Variants in DPP6 observed in about 807,000 individuals in gnomAD.
DPP6 encodes the protein dipeptidyl peptidase like 6.
DPP6 carries 69 observed loss-of-function variants against 122.6 expected under a neutral mutation model. The observed-to-expected ratio is 0.56, with a 90% CI of 0.46 to 0.69. The LOEUF (loss-of-function observed/expected upper bound fraction) is 0.69, where lower values mean the gene tolerates loss of function less well. Ranked by LOEUF, DPP6 falls within the 30% of genes least tolerant of loss-of-function variation. The pLI, the probability that DPP6 is intolerant of heterozygous loss-of-function variation, is 0.00. For missense variants in DPP6, 928 were observed against 1,116.9 expected, an observed-to-expected ratio of 0.83 and a Z score of 2.41; for synonymous variants, 418 against 433.1, an observed-to-expected ratio of 0.97 and a Z score of 0.43.
intron 1 of DPP6, among the ~76,000 whole-genome samples, chr7:154,349,396 G>A (rs1810665519): frequency 3.3e-5 from 5 of 152,220 alleles, no homozygotes; most frequent in East Asian, 1.9e-4. Flanking sequence ...GGCTTGTCTC[G>A]AACTCCTGAC....
At chr7:154,151,974 G>A (rs920541501) in intron 1 of DPP6, among the ~76,000 whole-genome samples, 1 of 150,844 alleles carries the variant, frequency 6.6e-6, no homozygotes, top group African/African-American at 2.4e-5. Context: ...CACATTGCAC[G>A]GCCTGGCACG....
chr7:154,822,769 C>T (rs4246092), intron 16 of DPP6, among the ~76,000 whole-genome samples: 111,366 of 151,622 alleles, frequency 0.73, 42,046 homozygotes, highest in Non-Finnish European at 0.83. Flanking sequence ...CATCCTGCTC[C>T]TCCATCCTAT....
intron 5 of DPP6, 161 bp downstream of exon 5, chr7:154,567,077 A>G (rs1456221513): frequency 5.9e-6 from 1 of 169,732 alleles, no homozygotes; most frequent in Non-Finnish European, 1.2e-5. Context: ...CACCTAGGAG[A>G]GAGGAAAGGT....
intron 3 of DPP6, among the ~76,000 whole-genome samples, chr7:154,532,442 G>T (rs1240736105): frequency 6.6e-6 from 1 of 151,884 alleles, no homozygotes; most frequent in African/African-American, 2.4e-5. Context: ...TAGAAGAAAA[G>T]AAGTAAATTA....
intron 3 of DPP6, among the ~76,000 whole-genome samples, chr7:154,526,255 C>G (rs1011778857): frequency 6.6e-6 from 1 of 152,124 alleles, no homozygotes; most frequent in Admixed American, 6.6e-5. Context: ...ACACTGAAGA[C>G]ATTATTGGCA....
intron 1 of DPP6, among the ~76,000 whole-genome samples, chr7:154,412,041 G>T (rs1441669004): frequency 6.6e-6 from 1 of 152,094 alleles, no homozygotes; most frequent in Admixed American, 6.6e-5. Context: ...CTGCTGAGGG[G>T]TCACTCTCCA....
At chr7:153,956,537 A>G (rs932285889) in intron 1 of DPP6, among the ~76,000 whole-genome samples, 2 of 152,058 alleles carry the variant, frequency 1.3e-5, no homozygotes, top group African/African-American at 4.8e-5. Context: ...CACAGTCTCA[A>G]ATAGCTTCCC....
At chr7:154,075,123 C>T (rs2150517256) in intron 1 of DPP6, among the ~76,000 whole-genome samples, 1 of 152,182 alleles carries the variant, frequency 6.6e-6, no homozygotes, top group Non-Finnish European at 1.5e-5. Flanking sequence ...TCCTCCTGCA[C>T]AAATGGCCAT....
intron 1 of DPP6, among the ~76,000 whole-genome samples, chr7:154,204,339 G>A (rs1358315410): frequency 2.0e-5 from 3 of 152,196 alleles, no homozygotes; most frequent in African/African-American, 4.8e-5. Flanking sequence ...ATGGGAAGTG[G>A]GGAGGGAGTC....
chr7:154,150,902 C>T (rs1334998615), intron 1 of DPP6, among the ~76,000 whole-genome samples: 1 of 152,224 alleles, frequency 6.6e-6, no homozygotes. Flanking sequence ...TCCCCACTCT[C>T]CTCTTAAAGG....
intron 13 of DPP6, among the ~76,000 whole-genome samples, chr7:154,801,780 C>T (rs1798384476): frequency 6.6e-6 from 1 of 152,156 alleles, no homozygotes; most frequent in South Asian, 2.1e-4. Context: ...TTTCCTTCTC[C>T]CTCTGCTGAG....
At chr7:153,794,900 C>T in the DPP6 span, among the ~76,000 whole-genome samples, 2 of 152,138 alleles carry the variant, frequency 1.3e-5, no homozygotes, top group Non-Finnish European at 2.9e-5. Flanking sequence ...TCGCCGCCAT[C>T]ATGTAAGAAG....
At chr7:154,170,115 G>A (rs191806066) in intron 1 of DPP6, among the ~76,000 whole-genome samples, 250 of 152,112 alleles carry the variant, frequency 1.6e-3, no homozygotes, top group Middle Eastern at 6.8e-3. Context: ...CACCTACCTC[G>A]CCTGCATTTT....
chr7:154,827,723 GGC>G (rs1293060434), intron 16 of DPP6, among the ~76,000 whole-genome samples: 1 of 44,648 alleles, frequency 2.2e-5, no homozygotes, highest in East Asian at 7.9e-4. Context: ...AAGGACGGCT[GGC>G]GGGGGGGGGG....
At chr7:154,322,101 C>A (rs1432328613) in intron 1 of DPP6, among the ~76,000 whole-genome samples, 4 of 151,562 alleles carry the variant, frequency 2.6e-5, no homozygotes. Context: ...CTCACCCTCC[C>A]CCACCTCCTC....
chr7:154,082,847 T>TTTC (rs555445046), intron 1 of DPP6, among the ~76,000 whole-genome samples: 2,669 of 82,918 alleles, frequency 0.032, 142 homozygotes, highest in African/African-American at 0.11. Context: ...TTTCTTTTTC[T>TTTC]TTTTTTTTTT....
chr7:153,784,118 T>C, the DPP6 span, among the ~76,000 whole-genome samples: 375 of 152,348 alleles, frequency 2.5e-3, 1 homozygote, highest in African/African-American at 8.2e-3. Flanking sequence ...GTAAGTAAAT[T>C]AAATGGAGTT....
At position 154,676,146 on chromosome 7, in the gene DPP6, CTAA is replaced by C. The variant is rs1487652049; in HGVS notation, c.762+6706_762+6708del. On this transcript the variant is annotated intron_variant, in intron 7 of 25. Transcript: ENST00000377770. ...CATGCTGTCTGGAGGTCCAGCTGTC[CTAA>C]CCATGTGACCTCCTACACAGGTGTT... 3.2e-3 allele frequency among the ~76,000 whole-genome samples: 389 copies of C among 121,886 alleles called. 6 individuals carry two copies. The highest frequency in any genetic ancestry group is 8.5e-3 in the Middle Eastern group (2 of 234). 80.0% of individuals were successfully genotyped at this position (121,886 alleles called of 152,430 possible).
At chr7:154,107,910 G>T (rs1029040539) in intron 1 of DPP6, among the ~76,000 whole-genome samples, 1 of 152,196 alleles carries the variant, frequency 6.6e-6, no homozygotes, top group Admixed American at 6.5e-5. Flanking sequence ...AAACTGGGCT[G>T]TCAGGGCCAC....
Sources: gnomAD v4.1 joint callset for allele counts (sites outside exome capture counted in the v4.1 genomes callset) on GRCh38, gnomAD v4.1.1 for gene constraint, MANE v1.5 for transcripts, NCBI Gene and HGNC (gene_info 2026-07-23, HGNC 2026-07-21) for gene names.